KIAA1217: variants seen among roughly 807,000 people sequenced by gnomAD.
The protein encoded by KIAA1217 is sickle tail protein homolog.
In KIAA1217, 88 loss-of-function variants were observed where a neutral mutation model predicts 163.9. The observed-to-expected ratio is 0.54, with a 90% CI of 0.45 to 0.64. KIAA1217 has a LOEUF of 0.64. Among genes scored for constraint, KIAA1217 ranks in the 30% least tolerant of loss-of-function variants. The probability of loss-of-function intolerance (pLI) is 0.00; values close to 1 mark genes in which losing one functional copy is unlikely to be tolerated. For synonymous variants in KIAA1217, 903 were observed against 923.1 expected (o/e 0.98, Z 0.39); for missense variants, 2,372 against 2,475.0 (o/e 0.96, Z 0.88).
At chr10:23,871,863 C>A (rs561608257) in intron 1 of KIAA1217, among the ~76,000 whole-genome samples, 1 of 152,082 alleles carries the variant, frequency 6.6e-6, no homozygotes, top group African/African-American at 2.4e-5. Flanking sequence ...CGTGTCATTT[C>A]AAATTTCCCA....
intron 11 of KIAA1217, among the ~76,000 whole-genome samples, chr10:24,520,651 A>ATATATATAT (rs1214959660): frequency 2.5e-5 from 1 of 39,674 alleles, no homozygotes; most frequent in African/African-American, 8.8e-5. Flanking sequence ...AAAAAAAAAA[A>ATATATATAT]ATATATATAT....
intron 1 of KIAA1217, among the ~76,000 whole-genome samples, chr10:23,996,735 A>C (rs1453435816): frequency 2.0e-5 from 3 of 152,192 alleles, no homozygotes; most frequent in African/African-American, 7.2e-5. Context: ...ATATTTTAAA[A>C]GGCTTTTTTA....
chr10:24,157,988 A>G (rs2064954480), intron 2 of KIAA1217: 3 of 761,724 alleles, frequency 3.9e-6, no homozygotes, highest in Middle Eastern at 2.5e-4. Flanking sequence ...ATCTCGATCA[A>G]TTAGTGGCCC....
At chr10:23,888,392 A>G (rs1227125469) in intron 1 of KIAA1217, among the ~76,000 whole-genome samples, 1 of 151,902 alleles carries the variant, frequency 6.6e-6, no homozygotes, top group Non-Finnish European at 1.5e-5. Context: ...GTCTCTTTCT[A>G]GGGAGAAGTG....
intron 2 of KIAA1217, among the ~76,000 whole-genome samples, chr10:24,226,114 G>A (rs1466957422): frequency 6.6e-6 from 1 of 151,880 alleles, no homozygotes; most frequent in African/African-American, 2.4e-5. Context: ...GTCAACATTT[G>A]AACCAGGGCC....
chr10:24,303,296 A>G (rs1387249227), intron 2 of KIAA1217, among the ~76,000 whole-genome samples: 6 of 152,140 alleles, frequency 3.9e-5, no homozygotes, highest in Admixed American at 2.0e-4. Context: ...GATTACAGGC[A>G]TGAGCCACCA....
intron 1 of KIAA1217, among the ~76,000 whole-genome samples, chr10:23,780,972 C>T (rs1187690780): frequency 1.3e-5 from 2 of 152,174 alleles, no homozygotes; most frequent in African/African-American, 2.4e-5. Flanking sequence ...TGAGCCACCA[C>T]ACCTGGACAC....
At chr10:23,828,637 C>A (rs541683581) in intron 1 of KIAA1217, among the ~76,000 whole-genome samples, 1 of 152,282 alleles carries the variant, frequency 6.6e-6, no homozygotes, top group African/African-American at 2.4e-5. Context: ...TTAAAAGCAT[C>A]TGTCCTCCAA....
chr10:24,348,975 C>T (rs1332931275), intron 2 of KIAA1217, among the ~76,000 whole-genome samples: 1 of 151,810 alleles, frequency 6.6e-6, no homozygotes, highest in South Asian at 2.1e-4. Flanking sequence ...AGTGAGAATC[C>T]CATTTTTCTA....
At chr10:23,698,824 G>A (rs969852636) in intron 1 of KIAA1217, among the ~76,000 whole-genome samples, 3 of 151,810 alleles carry the variant, frequency 2.0e-5, no homozygotes, top group Non-Finnish European at 4.4e-5. Flanking sequence ...TTGCTCTATC[G>A]TCCAAGCTAG....
At chr10:24,527,853 C>A in intron 13 of KIAA1217, 83 bp from the exon 14 acceptor site, 1 of 1,057,770 alleles carries the variant, frequency 9.5e-7, no homozygotes. Context: ...TTCCTCCCAC[C>A]CTCCACCCTC....
intron 2 of KIAA1217, among the ~76,000 whole-genome samples, chr10:24,157,560 G>T (rs927712959): frequency 7.2e-5 from 11 of 152,094 alleles, no homozygotes; most frequent in African/African-American, 2.7e-4. Context: ...ATCTTTCCTT[G>T]ACCCAAGGTC....
At chr10:23,906,158 A>C (rs978122586) in intron 1 of KIAA1217, among the ~76,000 whole-genome samples, 5 of 152,100 alleles carry the variant, frequency 3.3e-5, no homozygotes, top group Non-Finnish European at 7.4e-5. Context: ...TCACCTTTTA[A>C]AGGTGATTAA....
chr10:24,455,694 G>C (rs1328227662), intron 5 of KIAA1217, among the ~76,000 whole-genome samples: 1 of 152,132 alleles, frequency 6.6e-6, no homozygotes, highest in Non-Finnish European at 1.5e-5. Context: ...TCTCCCAGGT[G>C]GTAAGATGGG....
intron 2 of KIAA1217, among the ~76,000 whole-genome samples, chr10:24,026,658 A>C (rs1847951148): frequency 6.8e-6 from 1 of 147,898 alleles, no homozygotes; most frequent in Non-Finnish European, 1.5e-5. Flanking sequence ...CTTGAGTCTT[A>C]TACATTGTAT....
chr10:23,961,977 T>G (rs56755548), intron 1 of KIAA1217, among the ~76,000 whole-genome samples: 2,564 of 152,304 alleles, frequency 0.017, 79 homozygotes, highest in African/African-American at 0.056. Context: ...TTCACCCTAA[T>G]GATCTCATTT....
At chr10:23,868,815 A>G (rs77393515) in intron 1 of KIAA1217, among the ~76,000 whole-genome samples, 491 of 152,270 alleles carry the variant, frequency 3.2e-3, no homozygotes, top group African/African-American at 0.011. Context: ...ATCACTTGAT[A>G]TCACAAGTTG....
At chr10:24,511,571 C>T (rs941093074) in intron 9 of KIAA1217, among the ~76,000 whole-genome samples, 5 of 151,824 alleles carry the variant, frequency 3.3e-5, no homozygotes, top group Non-Finnish European at 7.4e-5. Context: ...CGTTTGAACC[C>T]GGGAGGCAGA....
intron 2 of KIAA1217, among the ~76,000 whole-genome samples, chr10:24,182,437 A>ACCACAC (rs755699331): frequency 0.015 from 1,669 of 108,560 alleles, 28 homozygotes; most frequent in African/African-American, 0.038. Flanking sequence ...GCAAGACTCC[A>ACCACAC]TCACACACAC....
Sources: gnomAD v4.1 joint callset for allele counts (sites outside exome capture counted in the v4.1 genomes callset) on GRCh38, gnomAD v4.1.1 for gene constraint, MANE v1.5 for transcripts, NCBI Gene and HGNC (gene_info 2026-07-23, HGNC 2026-07-21) for gene names.